Variants in CERS1 observed in about 807,000 individuals in gnomAD.
The protein encoded by CERS1 is Embryonic growth/differentiation factor 1.
Under a neutral mutation model 35.7 loss-of-function variants are expected in CERS1, and 16 were observed. The ratio of observed to expected loss-of-function variants is 0.45; its 90% CI spans 0.30 to 0.68. The LOEUF (loss-of-function observed/expected upper bound fraction) is 0.68, where lower values mean the gene tolerates loss of function less well. Among genes scored for constraint, CERS1 ranks in the 30% least tolerant of loss-of-function variants. The probability of loss-of-function intolerance (pLI) is 0.08; values close to 1 mark genes in which losing one functional copy is unlikely to be tolerated. For synonymous variants in CERS1, 243 were observed against 201.6 expected (o/e 1.21, Z -1.74); for missense variants, 454 against 453.9 (o/e 1.00, Z 0.00).
chr19:18,884,355 G>C, intron 2 of CERS1, 88 bp from the exon 3 acceptor site: 1 of 1,265,890 alleles, frequency 7.9e-7, no homozygotes, highest in Non-Finnish European at 1.1e-6. Flanking sequence ...CAAGCCACAC[G>C]TGTCCTCCCA....
chr19:18,885,367 A>C (rs1021636987), intron 2 of CERS1, among the ~76,000 whole-genome samples: 14 of 150,446 alleles, frequency 9.3e-5, no homozygotes, highest in African/African-American at 3.4e-4. Flanking sequence ...TGCCTAGATA[A>C]TTTATTTCTT....
Position 18,880,262 on chromosome 19 carries a change from C to A in CERS1, c.752+12G>T. On this transcript the variant is annotated intron_variant, in intron 4 of 7. Transcript: ENST00000623882. ...ACACCTCCCTCCCTGCCCAGCACTCCCTACCACTCACCAGCTGAAGCCGAA... is the reference window on the plus strand; with the variant it reads ...ACACCTCCCTCCCTGCCCAGCACTCACTACCACTCACCAGCTGAAGCCGAA... 6.5e-7 allele frequency: 1 copy of A among 1,545,336 alleles called. No individual in the cohort carries two copies. The highest frequency in any genetic ancestry group is 2.4e-5 in the East Asian group (1 of 40,872).
Position 18,879,053 on chromosome 19 carries a change from G to A in CERS1, c.901-14C>T. 6.2e-7 allele frequency: 1 copy of A among 1,612,236 alleles called. No homozygotes were observed. The highest frequency in any genetic ancestry group is 8.5e-7 in the Non-Finnish European group (1 of 1,179,546). Reference sequence around the variant, plus strand: ...CGCCACGATGTACTGCGAGAGGGGAGGGGAGGTGCCAGTGAGAAGAAAGCC... The same window carrying A: ...CGCCACGATGTACTGCGAGAGGGGAAGGGAGGTGCCAGTGAGAAGAAAGCC... On this transcript the variant is annotated splice_polypyrimidine_tract_variant and intron_variant, in intron 5 of 7. Coordinates refer to ENST00000623882, the MANE Select transcript of CERS1 (RefSeq NM_021267.5).
In CERS1 at chr19:18,879,111, T is replaced by C. The variant is rs373775743; in HGVS notation, c.901-72A>G. On this transcript the variant is annotated intron_variant, in intron 5 of 7. Transcript: ENST00000623882. ...CACTGCCCTGCTGACAGCCATGTGCTCCTGTCCCGGGCCCTCCACACGGGC... is the reference window on the plus strand; with the variant it reads ...CACTGCCCTGCTGACAGCCATGTGCCCCTGTCCCGGGCCCTCCACACGGGC... 40 of 1,589,506 alleles carry C rather than the reference T, an allele frequency of 2.5e-5. No individual in the cohort carries two copies. The African/African-American group carries it at 4.0e-4, about 16-fold the overall frequency.
intron 4 of CERS1, 87 bp downstream of exon 4, chr19:18,880,187 T>A: frequency 1.6e-6 from 2 of 1,274,912 alleles, no homozygotes; most frequent in Non-Finnish European, 2.1e-6. Flanking sequence ...CCCCGCCTCC[T>A]TCCCTGCCTG....
In CERS1 at chr19:18,870,597, C is replaced by T; in HGVS notation, c.1033G>A (p.Val345Met). 1 of 587,546 alleles carries T rather than the reference C, an allele frequency of 1.7e-6. No homozygotes were observed. Among genetic ancestry groups the T allele is most frequent in the Non-Finnish European group, 3.1e-6 (1 of 324,356 alleles). The allele number at this position is 587,546 out of a possible 1,614,324, so 36.4% of individuals were successfully genotyped here. The change falls in exon 7 of 8, where the codon GTG (valine) becomes ATG (methionine). Residue 345 changes from valine to methionine, a missense_variant. Coordinates refer to ENST00000623882, the MANE Select transcript of CERS1 (RefSeq NM_021267.5). The surrounding 1 kb of genome is among the most constrained non-coding windows in gnomAD (Gnocchi z 5.1). ...GGGGTTCAGAAGCGCTTGTCCTTCA[C>T]CAGGCCGTTCCTCAGTGGCTTCCTG... ...KAEKPLRNGL[V>M]KDKRF
chr19:18,884,441 C>T (rs2056299903), intron 2 of CERS1, among the ~76,000 whole-genome samples, 174 bp from the exon 3 acceptor site: 1 of 149,940 alleles, frequency 6.7e-6, no homozygotes, highest in Non-Finnish European at 1.5e-5. Context: ...TTCTTTGAGA[C>T]GGAGTCTCCC....
chr19:18,875,003 G>A (rs1439433313), intron 6 of CERS1, among the ~76,000 whole-genome samples: 2 of 152,218 alleles, frequency 1.3e-5, no homozygotes, highest in East Asian at 3.8e-4. Context: ...GGGAGGCTGA[G>A]GTGGGAGGAT....
rs778764321 is a variant in CERS1 at position 18,884,107 on chromosome 19, G to C, written c.570C>G (p.Ile190Met). The change falls in exon 3 of 8, where the codon ATC (isoleucine) becomes ATG (methionine). Residue 190 changes from isoleucine to methionine, a missense_variant. Transcript: ENST00000623882. ...LLHHVVTLIL[I>M]VSSYAFRYHN... ...CTTACCGGAAGGCGTAGGAGGAGAC[G>C]ATGAGGATGAGAGTGACCACGTGGT... is the stretch of plus-strand genomic sequence containing the variant. The C allele has an allele frequency of 1.9e-6, 3 of 1,613,358 alleles. No homozygotes were observed. The highest frequency in any genetic ancestry group is 2.5e-6 in the Non-Finnish European group (3 of 1,179,684).
chr19:18,893,422 A>G lies in CERS1; in HGVS notation c.403T>C (p.Phe135Leu). 1.9e-6 allele frequency: 3 copies of G among 1,603,576 alleles called. No individual in the cohort carries two copies. The highest frequency in any genetic ancestry group is 2.6e-6 in the Non-Finnish European group (3 of 1,175,540). The change falls in exon 2 of 8, where the codon TTC becomes CTC. Residue 135 changes from phenylalanine to leucine, a missense_variant. Physicochemically the swap from Phe to Leu is conservative, Grantham distance 22 (BLOSUM62 0). Transcript: ENST00000623882. ...YPFFHDPPSV[F>L]YDWTPGMAVP... ...ATCCCCTCAGGGCCCCTACCGTAGAAGACAGATGGTGGGTCATGGAAGAAG... is the reference window on the plus strand; with the variant it reads ...ATCCCCTCAGGGCCCCTACCGTAGAGGACAGATGGTGGGTCATGGAAGAAG...
At chr19:18,889,777 A>G (rs558458607) in intron 2 of CERS1, among the ~76,000 whole-genome samples, 14 of 151,790 alleles carry the variant, frequency 9.2e-5, no homozygotes, top group African/African-American at 3.4e-4. Flanking sequence ...GGGACACTCA[A>G]TGCCACCCCT....
In CERS1 at chr19:18,868,858, G is replaced by A; in HGVS notation, c.*1127C>T. 6.9e-7 allele frequency: 1 copy of A among 1,445,002 alleles called. No individual in the cohort carries two copies. Among genetic ancestry groups the A allele is most frequent in the African/African-American group, 1.5e-5 (1 of 67,412 alleles). The allele number at this position is 1,445,002 out of a possible 1,614,324, so 89.5% of individuals were successfully genotyped here. A position where few individuals can be genotyped will look rare whatever the true frequency, so the allele number is the denominator to read the frequency against. ...AGTTGGCCAGGAAGCCGCGCGGCGCGATGACCCAGCGGTGCCAGCCCACCT... is the reference window on the plus strand; with the variant it reads ...AGTTGGCCAGGAAGCCGCGCGGCGCAATGACCCAGCGGTGCCAGCCCACCT... On this transcript the variant is annotated 3_prime_UTR_variant, in exon 8 of 8. Coordinates refer to ENST00000623882, the MANE Select transcript of CERS1 (RefSeq NM_021267.5).
At position 18,870,269 on chromosome 19, in the gene CERS1, G is replaced by C; in HGVS notation, c.*308C>G. ...GCAGCAGCAGGGCCAGGAGGAGGAG[G>C]AGGTGGTGGCCGCAGGGACCTTGCT... On this transcript the variant is annotated 3_prime_UTR_variant, in exon 7 of 8. Coordinates refer to ENST00000623882, the MANE Select transcript of CERS1 (RefSeq NM_021267.5). This position sits in a 1 kb window ranked among gnomAD's most constrained non-coding sequence, Gnocchi z 5.1. 1 of 1,550,524 alleles carries C rather than the reference G, an allele frequency of 6.4e-7. No homozygotes were observed. The highest frequency in any genetic ancestry group is 8.7e-7 in the Non-Finnish European group (1 of 1,149,864).
chr19:18,888,889 C>CTGT (rs1555706335), intron 2 of CERS1, among the ~76,000 whole-genome samples: 5 of 122,926 alleles, frequency 4.1e-5, no homozygotes, highest in East Asian at 2.4e-4. Context: ...TTCTTTCTTT[C>CTGT]TTTTTTTTTT....
chr19:18,875,660 T>G (rs1395209991), intron 6 of CERS1, among the ~76,000 whole-genome samples: 1 of 152,212 alleles, frequency 6.6e-6, no homozygotes, highest in African/African-American at 2.4e-5. Context: ...CCTCGGCCTT[T>G]GTGGCCACGT....
chr19:18,896,354 C>T (rs982911708), upstream of CERS1, among the ~76,000 whole-genome samples: 1 of 151,116 alleles, frequency 6.6e-6, no homozygotes, highest in Non-Finnish European at 1.5e-5. This position sits in a 1 kb window ranked among gnomAD's most constrained non-coding sequence, Gnocchi z 5.9. Flanking sequence ...TGGACCTGGA[C>T]CCCGAGAGAC....
rs367780894 is a variant in CERS1 at position 18,878,915 on chromosome 19, C to A, written c.1010+15G>T. On this transcript the variant is annotated intron_variant, in intron 6 of 7. Coordinates refer to ENST00000623882, the MANE Select transcript of CERS1 (RefSeq NM_021267.5). The surrounding 1 kb of genome is among the most constrained non-coding windows in gnomAD (Gnocchi z 4.6). ...TAAAGGAGGGAACGCGGGGTGCGGGCCCCTCCACACTCACTCGGCTTTGCT... is the reference window on the plus strand; with the variant it reads ...TAAAGGAGGGAACGCGGGGTGCGGGACCCTCCACACTCACTCGGCTTTGCT... The A allele has an allele frequency of 6.2e-7, 1 of 1,612,734 alleles. No individual in the cohort carries two copies. The highest frequency in any genetic ancestry group is 1.3e-5 in the African/African-American group (1 of 74,920).
At chr19:18,890,484 A>G (rs2056462684) in intron 2 of CERS1, among the ~76,000 whole-genome samples, 1 of 152,230 alleles carries the variant, frequency 6.6e-6, no homozygotes, top group South Asian at 2.1e-4. Context: ...GTCATTTACA[A>G]AAAGCAACTA....
chr19:18,886,803 G>A (rs2056372466), intron 2 of CERS1, among the ~76,000 whole-genome samples: 1 of 152,138 alleles, frequency 6.6e-6, no homozygotes, highest in Non-Finnish European at 1.5e-5. Context: ...ATCTCGGCCT[G>A]GCCCCTTCTG....
Sources: allele counts gnomAD v4.1 joint callset (sites outside exome capture counted in the v4.1 genomes callset), GRCh38; gene constraint gnomAD v4.1.1; non-coding constraint Gnocchi (gnomAD v3.1); transcripts MANE v1.5; gene names NCBI Gene and HGNC (gene_info 2026-07-23, HGNC 2026-07-21).